Variants in NIBAN1 observed in about 807,000 individuals in gnomAD.
NIBAN1 encodes niban apoptosis regulator 1, also known as protein Niban 1.
Under a neutral mutation model 75.1 loss-of-function variants are expected in NIBAN1, and 81 were observed. That is an observed-to-expected ratio of 1.08 (90% CI 0.90 to 1.30). The LOEUF (loss-of-function observed/expected upper bound fraction) is 1.30. Ranked by LOEUF, NIBAN1 falls within the 50% of genes most tolerant of loss-of-function variation. NIBAN1 has a pLI of 0.00. For synonymous variants in NIBAN1, 436 were observed against 424.8 expected (o/e 1.03, Z -0.32); for missense variants, 1,133 against 1,128.1 (o/e 1.00, Z -0.06).
At chr1:184,858,241 A>T (rs1230513501) in intron 5 of NIBAN1, among the ~76,000 whole-genome samples, 2 of 152,136 alleles carry the variant, frequency 1.3e-5, no homozygotes, top group South Asian at 2.1e-4. Flanking sequence ...CAACAAGAGA[A>T]CAAGAAAAAG....
intron 2 of NIBAN1, 88 bp from the exon 3 acceptor site, chr1:184,894,294 GT>G: frequency 1.5e-6 from 2 of 1,373,024 alleles, no homozygotes; most frequent in Non-Finnish European, 1.9e-6. Context: ...TCAAGGAATA[GT>G]TTAGGAAACT....
At chr1:184,955,618 T>C (rs1658470342) in intron 1 of NIBAN1, among the ~76,000 whole-genome samples, 3 of 152,208 alleles carry the variant, frequency 2.0e-5, no homozygotes. Context: ...ATTACAGGCG[T>C]GAGCCACAGA....
chr1:184,875,592 A>T (rs1656211180), intron 5 of NIBAN1, among the ~76,000 whole-genome samples: 1 of 152,232 alleles, frequency 6.6e-6, no homozygotes. Flanking sequence ...TGAAAGTCAC[A>T]TACCATCACT....
At chr1:184,817,129 G>A (rs1179313674) in intron 9 of NIBAN1, among the ~76,000 whole-genome samples, 2 of 152,092 alleles carry the variant, frequency 1.3e-5, no homozygotes, top group South Asian at 2.1e-4. Context: ...GCAGTGTTTG[G>A]TTTTCTGTCC....
rs1653775589 is a variant in NIBAN1, at chr1:184,794,285, T to A, written c.*692A>T. The A allele has an allele frequency of 6.5e-6, 1 of 153,272 alleles. No individual in the cohort carries two copies. Among genetic ancestry groups the A allele is most frequent in the African/African-American group, 2.4e-5 (1 of 41,462 alleles). 9.5% of individuals were successfully genotyped at this position (153,272 alleles called of 1,614,324 possible). A position where few individuals can be genotyped will look rare whatever the true frequency, so the allele number is the denominator to read the frequency against. On this transcript the variant is annotated 3_prime_UTR_variant, in exon 14 of 14. Coordinates refer to ENST00000367511, the MANE Select transcript of NIBAN1 (RefSeq NM_052966.4). Reference sequence around the variant, plus strand: ...ATAAAATTTTCTTGCCTCATCTGAATTTCCTGCAAATGTGATTAATTAATA... The same window carrying A: ...ATAAAATTTTCTTGCCTCATCTGAAATTCCTGCAAATGTGATTAATTAATA...
chr1:184,942,675 C>T (rs1658122283), intron 1 of NIBAN1, among the ~76,000 whole-genome samples: 1 of 130,376 alleles, frequency 7.7e-6, no homozygotes. Context: ...GCCTGGGCGA[C>T]AGAGCGAGAC....
At chr1:184,911,096 T>C (rs572716526) in intron 1 of NIBAN1, among the ~76,000 whole-genome samples, 1 of 151,944 alleles carries the variant, frequency 6.6e-6, no homozygotes, top group South Asian at 2.1e-4. Flanking sequence ...CACACATATA[T>C]ATATATCCCA....
chr1:184,805,264 T>C (rs981154602), intron 11 of NIBAN1, among the ~76,000 whole-genome samples: 2 of 152,162 alleles, frequency 1.3e-5, no homozygotes, highest in Non-Finnish European at 2.9e-5. Flanking sequence ...GTGGACTAGG[T>C]GTATGATCGT....
chr1:184,971,650 C>T lies in NIBAN1; in HGVS notation c.55+2652G>A, dbSNP rs992864740. Among the ~76,000 whole-genome samples, 8 of 151,692 alleles carry T rather than the reference C, an allele frequency of 5.3e-5. No homozygotes were observed. The Admixed American group carries it at 5.3e-4, about 10-fold the overall frequency. On this transcript the variant is annotated intron_variant, in intron 1 of 13. Transcript: ENST00000367511. The stretch of plus-strand genomic sequence containing the variant: ...GTGCCACTACACTCCAGCTTGGTGA[C>T]AGAGTGAGACTCTGTCTCAAAAAAA...
intron 8 of NIBAN1, among the ~76,000 whole-genome samples, chr1:184,819,183 CT>C (rs1654624661): frequency 1.3e-5 from 2 of 152,116 alleles, no homozygotes; most frequent in Admixed American, 6.5e-5. Context: ...CACAGTTTGT[CT>C]TCTAAAAACA....
At chr1:184,919,146 A>G (rs774443273) in intron 1 of NIBAN1, among the ~76,000 whole-genome samples, 2 of 152,196 alleles carry the variant, frequency 1.3e-5, no homozygotes, top group Non-Finnish European at 2.9e-5. Flanking sequence ...CTAAAGTAAT[A>G]TGTTTAGCTA....
At chr1:184,911,131 CA>C (rs1657231232) in intron 1 of NIBAN1, among the ~76,000 whole-genome samples, 1 of 151,700 alleles carries the variant, frequency 6.6e-6, no homozygotes, top group Non-Finnish European at 1.5e-5. Flanking sequence ...CTGGAGAACC[CA>C]AATAAAGATG....
At chr1:184,803,777 CCT>C (rs1417078792) in intron 11 of NIBAN1, 85 bp from the exon 12 acceptor site, 21 of 1,051,198 alleles carry the variant, frequency 2.0e-5, no homozygotes, top group Non-Finnish European at 4.4e-6. Context: ...ACCCACTTCA[CCT>C]CTCTTTTCCT....
At chr1:184,942,453 G>A (rs1286930805) in intron 1 of NIBAN1, among the ~76,000 whole-genome samples, 1 of 152,214 alleles carries the variant, frequency 6.6e-6, no homozygotes, top group Non-Finnish European at 1.5e-5. Flanking sequence ...CAGCACTCTG[G>A]GAGGCCGAAG....
At chr1:184,825,359 G>A (rs776837973) in intron 6 of NIBAN1, among the ~76,000 whole-genome samples, 28 of 152,056 alleles carry the variant, frequency 1.8e-4, no homozygotes, top group Non-Finnish European at 3.5e-4. Context: ...GCAATTGTCT[G>A]CTCATGGCCT....
At chr1:184,926,127 T>G (rs931028441) in intron 1 of NIBAN1, among the ~76,000 whole-genome samples, 1 of 152,232 alleles carries the variant, frequency 6.6e-6, no homozygotes, top group African/African-American at 2.4e-5. Context: ...GGTATTTTTT[T>G]TTTCCTTCGG....
intron 5 of NIBAN1, among the ~76,000 whole-genome samples, chr1:184,841,444 G>A (rs1408062215): frequency 6.6e-6 from 1 of 152,152 alleles, no homozygotes; most frequent in Admixed American, 6.5e-5. Flanking sequence ...ATCATTCCAT[G>A]GCTCTAGCTC....
chr1:184,796,194 A>C, intron 13 of NIBAN1, 97 bp from the exon 14 acceptor site: 5 of 1,337,120 alleles, frequency 3.7e-6, no homozygotes, highest in Non-Finnish European at 5.0e-6. Flanking sequence ...TCTCCATTTC[A>C]AGACCCAGCT....
Position 184,818,710 on chromosome 1 carries a change from T to G in NIBAN1, c.1101A>C (p.Val367=). The G allele has an allele frequency of 6.2e-7, 1 of 1,613,516 alleles. No homozygotes were observed. The highest frequency in any genetic ancestry group is 8.5e-7 in the Non-Finnish European group (1 of 1,179,548). ...CTTCATTCACCTCTTTCTCAAAGAG[T>G]ACACGTACTTCACTGAATCCCGAGC... ...PVSSGFSEVR[V]LFEKEVNEVS... The change falls in exon 9 of 14, where the codon GTA becomes GTC. Residue 367 remains valine, a synonymous_variant. Coordinates refer to ENST00000367511, the MANE Select transcript of NIBAN1 (RefSeq NM_052966.4).
Sources: gnomAD v4.1 joint callset for allele counts (sites outside exome capture counted in the v4.1 genomes callset) on GRCh38, gnomAD v4.1.1 for gene constraint, MANE v1.5 for transcripts, NCBI Gene and HGNC (gene_info 2026-07-23, HGNC 2026-07-21) for gene names.